The following COL25A1 variants were observed in gnomAD, a reference collection of about 807,000 sequenced individuals.
COL25A1 encodes collagen alpha-1(XXV) chain.
In COL25A1, 103 loss-of-function variants were observed where a neutral mutation model predicts 128.4. That is an observed-to-expected ratio of 0.80 (90% CI 0.68 to 0.94). The LOEUF is 0.94. Among genes scored for constraint, COL25A1 ranks in the 40% least tolerant of loss-of-function variants. COL25A1 has a pLI of 0.00. For missense variants in COL25A1, 745 were observed against 840.0 expected, an observed-to-expected ratio of 0.89 and a Z score of 1.40; for synonymous variants, 279 against 277.2, an observed-to-expected ratio of 1.01 and a Z score of -0.06.
chr4:108,850,642 C>G (rs1263805553), intron 26 of COL25A1, among the ~76,000 whole-genome samples: 1 of 152,132 alleles, frequency 6.6e-6, no homozygotes, highest in Non-Finnish European at 1.5e-5. Context: ...GAGGGACCTT[C>G]TATGCACTTA....
At chr4:108,961,622 T>TTCTGTTCTGTTCTGC (rs1560937081) in intron 8 of COL25A1, among the ~76,000 whole-genome samples, 1 of 151,254 alleles carries the variant, frequency 6.6e-6, no homozygotes, top group Non-Finnish European at 1.5e-5. Flanking sequence ...TTCTGTTCTG[T>TTCTGTTCTGTTCTGC]TCTGTTGTTG....
rs1438298103 is a variant in COL25A1, at chr4:108,811,437, A to G, written c.*2490T>C. The G allele has an allele frequency of 6.6e-6, 1 of 152,124 alleles. No homozygotes were observed. The highest frequency in any genetic ancestry group is 1.5e-5 in the Non-Finnish European group (1 of 67,950). The allele number at this position is 152,124 out of a possible 1,614,324, so 9.4% of individuals were successfully genotyped here. On this transcript the variant is annotated 3_prime_UTR_variant, in exon 38 of 38. Coordinates refer to ENST00000399132, the MANE Select transcript of COL25A1 (RefSeq NM_198721.4). ...GGGCTGTATTTCAAAAAATTTTTTT[A>G]TACATAAAGTGTTTTTCTTTTGATG...
At chr4:109,007,421 T>C (rs914760406) in intron 6 of COL25A1, among the ~76,000 whole-genome samples, 2 of 152,174 alleles carry the variant, frequency 1.3e-5, no homozygotes, top group Non-Finnish European at 2.9e-5. Context: ...ATTATGATAA[T>C]GATGTAGGCA....
chr4:109,265,455 A>T (rs376256679), intron 3 of COL25A1, among the ~76,000 whole-genome samples: 1 of 151,950 alleles, frequency 6.6e-6, no homozygotes, highest in South Asian at 2.1e-4. Context: ...CCATTAAACT[A>T]AAGTTATAAT....
rs185553720 is a variant in COL25A1 at position 108,940,519 on chromosome 4, T to G, written c.672+20A>C. The G allele has an allele frequency of 8.2e-6, 13 of 1,593,148 alleles. No homozygotes were observed. The Admixed American group carries it at 2.2e-4, about 27-fold the overall frequency. The stretch of plus-strand genomic sequence containing the variant: ...ATGAAGCAAAACGTGTGAGAATAAG[T>G]GATCCAAAAAGCGACTCACGGGTAC... On this transcript the variant is annotated intron_variant, in intron 10 of 37. Coordinates refer to ENST00000399132, the MANE Select transcript of COL25A1 (RefSeq NM_198721.4).
At chr4:109,041,850 G>T (rs947638896) in intron 5 of COL25A1, among the ~76,000 whole-genome samples, 3 of 152,072 alleles carry the variant, frequency 2.0e-5, no homozygotes, top group Admixed American at 1.3e-4. Context: ...GTCTCCATCA[G>T]TCTGGGCTCC....
Position 108,841,739 on chromosome 4 carries a change from A to C in COL25A1, c.1630-18T>G, listed in dbSNP as rs774335385. On this transcript the variant is annotated intron_variant, in intron 30 of 37. Coordinates refer to ENST00000399132, the MANE Select transcript of COL25A1 (RefSeq NM_198721.4). ...TGAGGTCCCTGAAAATGGAAAACAG[A>C]GCTTTTAATTAAGAATTGATTCCCT... is the stretch of plus-strand genomic sequence containing the variant. 1 of 1,600,304 alleles carries C rather than the reference A, an allele frequency of 6.2e-7. No homozygotes were observed. Among genetic ancestry groups the C allele is most frequent in the Middle Eastern group, 1.7e-4 (1 of 6,022 alleles).
intron 31 of COL25A1, 35 bp from the exon 32 acceptor site, chr4:108,832,468 G>C (rs374816279): frequency 1.4e-6 from 2 of 1,416,488 alleles, no homozygotes; most frequent in African/African-American, 1.4e-5. Flanking sequence ...TATCACAAGG[G>C]CTGCAAGAAT....
intron 3 of COL25A1, among the ~76,000 whole-genome samples, chr4:109,213,102 GAA>G (rs574987775): frequency 1.3e-3 from 192 of 152,186 alleles, no homozygotes; most frequent in African/African-American, 4.2e-3. Context: ...CTTAAAAACA[GAA>G]AAAGACTAAA....
intron 3 of COL25A1, among the ~76,000 whole-genome samples, chr4:109,189,186 T>C (rs1775380615): frequency 1.3e-5 from 2 of 152,240 alleles, no homozygotes; most frequent in South Asian, 4.1e-4. Flanking sequence ...ATAACATCTT[T>C]GATTATTTCT....
At position 109,088,544 on chromosome 4, in the gene COL25A1, T is replaced by G. The variant is rs1156697783; in HGVS notation, c.368-38365A>C. ...TCTATAAATGTCTAGAAACAGGAAC[T>G]TATCCCATTCAACTTGCACCCATGA... On this transcript the variant is annotated intron_variant, in intron 3 of 37. Transcript: ENST00000399132. Among the ~76,000 whole-genome samples the G allele has an allele frequency of 2.0e-5, 3 of 152,198 alleles. No individual in the cohort carries two copies. In the East Asian group the frequency reaches 5.8e-4, roughly 29 times the overall value.
intron 3 of COL25A1, among the ~76,000 whole-genome samples, chr4:109,213,262 C>G (rs1049077041): frequency 6.6e-6 from 1 of 152,074 alleles, no homozygotes; most frequent in Non-Finnish European, 1.5e-5. Context: ...TAATACTAAT[C>G]ATAAGAAACA....
At chr4:109,031,418 G>A (rs1758851872) in intron 5 of COL25A1, among the ~76,000 whole-genome samples, 1 of 152,036 alleles carries the variant, frequency 6.6e-6, no homozygotes, top group African/African-American at 2.4e-5. Flanking sequence ...GCCAGGCCAT[G>A]TTACAATACT....
chr4:108,865,036 C>A (rs1186552386), intron 20 of COL25A1, among the ~76,000 whole-genome samples: 2 of 152,008 alleles, frequency 1.3e-5, no homozygotes, highest in Non-Finnish European at 2.9e-5. Flanking sequence ...TGGAAAATTG[C>A]TAGGTCAAAA....
intron 32 of COL25A1, among the ~76,000 whole-genome samples, chr4:108,829,446 CTG>C (rs148164820): frequency 4.0e-5 from 6 of 150,488 alleles, no homozygotes; most frequent in Non-Finnish European, 8.9e-5. Flanking sequence ...ATCTATCTAT[CTG>C]TGTGTGTGTG....
intron 3 of COL25A1, among the ~76,000 whole-genome samples, chr4:109,216,682 G>A (rs1264051461): frequency 2.6e-5 from 4 of 152,138 alleles, no homozygotes; most frequent in Non-Finnish European, 5.9e-5. Context: ...CCCTCCTCTA[G>A]AGGCTTCAGA....
chr4:109,187,002 G>A (rs918368341), intron 3 of COL25A1, among the ~76,000 whole-genome samples: 6 of 152,212 alleles, frequency 3.9e-5, no homozygotes, highest in South Asian at 4.2e-4. Context: ...ATTGTTACAG[G>A]GAACAACCCT....
chr4:109,211,304 A>ATGAAAC (rs1777525496), intron 3 of COL25A1, among the ~76,000 whole-genome samples: 2 of 51,242 alleles, frequency 3.9e-5, no homozygotes, highest in African/African-American at 3.7e-4. Context: ...ATATATATAT[A>ATGAAAC]TATATATATA....
chr4:109,165,443 T>C (rs929945957), intron 3 of COL25A1, among the ~76,000 whole-genome samples: 1 of 152,186 alleles, frequency 6.6e-6, no homozygotes, highest in Non-Finnish European at 1.5e-5. Flanking sequence ...GGGCCAGCCA[T>C]GGTGGCTCAC....
Sources: gnomAD v4.1 joint callset for allele counts (sites outside exome capture counted in the v4.1 genomes callset) on GRCh38, gnomAD v4.1.1 for gene constraint, MANE v1.5 for transcripts, NCBI Gene and HGNC (gene_info 2026-07-23, HGNC 2026-07-21) for gene names.